Variants in DISP1 observed in about 807,000 individuals in gnomAD.
DISP1 encodes the protein dispatched RND transporter family member 1, also known as protein dispatched homolog 1.
In DISP1, 30 loss-of-function variants were observed where a neutral mutation model predicts 37.3. The observed-to-expected ratio is 0.80, with a 90% CI of 0.60 to 1.09. The LOEUF (loss-of-function observed/expected upper bound fraction) is 1.09, where lower values mean the gene tolerates loss of function less well. Ranked by LOEUF, DISP1 falls within the 50% of genes least tolerant of loss-of-function variation. DISP1 has a pLI of 0.00. For synonymous variants in DISP1, 634 were observed against 690.2 expected, an observed-to-expected ratio of 0.92 and a Z score of 1.28; for missense variants, 1,598 against 1,879.5, an observed-to-expected ratio of 0.85 and a Z score of 2.77.
intron 1 of DISP1, among the ~76,000 whole-genome samples, chr1:222,848,612 A>G (rs1668051460): frequency 6.6e-6 from 1 of 152,162 alleles, no homozygotes; most frequent in Admixed American, 6.5e-5. Context: ...AGGCTCTTTG[A>G]GGGCAGAGAC....
intron 3 of DISP1, among the ~76,000 whole-genome samples, chr1:222,975,622 G>T (rs1023333752): frequency 1.1e-4 from 17 of 151,250 alleles, no homozygotes; most frequent in African/African-American, 3.9e-4. Context: ...TGATTACTCC[G>T]CTTGGTACCT....
intron 4 of DISP1, among the ~76,000 whole-genome samples, chr1:222,984,389 G>A (rs541161258): frequency 1.8e-5 from 2 of 113,258 alleles, no homozygotes; most frequent in South Asian, 6.2e-4. Flanking sequence ...GGGTGGCAGA[G>A]CCAGACTCTG....
intron 1 of DISP1, among the ~76,000 whole-genome samples, chr1:222,834,271 C>T (rs916565784): frequency 6.6e-6 from 1 of 152,054 alleles, no homozygotes; most frequent in East Asian, 1.9e-4. Context: ...AGCATCCTGT[C>T]CTGTAGTTGG....
chr1:222,983,950 G>A (rs185072184), intron 4 of DISP1, among the ~76,000 whole-genome samples: 12 of 152,212 alleles, frequency 7.9e-5, no homozygotes, highest in African/African-American at 2.9e-4. Flanking sequence ...GAAATTCTAA[G>A]TGATCTTTGA....
chr1:222,923,833 G>A (rs542832074), intron 1 of DISP1, among the ~76,000 whole-genome samples: 1 of 152,240 alleles, frequency 6.6e-6, no homozygotes, highest in Non-Finnish European at 1.5e-5. Flanking sequence ...AAAAAAAGAA[G>A]GGCAGGGAGA....
chr1:222,845,451 A>G (rs1214159160), intron 1 of DISP1, among the ~76,000 whole-genome samples: 1 of 152,172 alleles, frequency 6.6e-6, no homozygotes, highest in African/African-American at 2.4e-5. Flanking sequence ...TTTTTATTCA[A>G]AGTTGTTTTG....
At chr1:222,902,146 C>G (rs933999786) in intron 1 of DISP1, among the ~76,000 whole-genome samples, 1 of 152,040 alleles carries the variant, frequency 6.6e-6, no homozygotes, top group Non-Finnish European at 1.5e-5. Flanking sequence ...TTTTTTGTGT[C>G]TCTATTTCCT....
intron 1 of DISP1, among the ~76,000 whole-genome samples, chr1:222,884,941 A>G (rs1367426608): frequency 6.6e-6 from 1 of 152,062 alleles, no homozygotes; most frequent in Non-Finnish European, 1.5e-5. Context: ...GGTTCACGCC[A>G]TTCTCCTGCC....
chr1:222,881,937 C>G (rs770026051), intron 1 of DISP1, among the ~76,000 whole-genome samples: 10 of 152,074 alleles, frequency 6.6e-5, no homozygotes, highest in Non-Finnish European at 1.0e-4. Context: ...GTACACATAA[C>G]TTAATACCAT....
intron 3 of DISP1, among the ~76,000 whole-genome samples, chr1:222,955,755 T>G (rs1379519175): frequency 6.6e-6 from 1 of 152,200 alleles, no homozygotes; most frequent in Non-Finnish European, 1.5e-5. Context: ...TAAGTAACTG[T>G]AAAGGAGTCA....
chr1:222,992,985 C>G (rs1678811805), intron 7 of DISP1, among the ~76,000 whole-genome samples: 1 of 151,650 alleles, frequency 6.6e-6, no homozygotes, highest in Non-Finnish European at 1.5e-5. Flanking sequence ...CTTCAGCCTT[C>G]CCGAGTAGCT....
At chr1:222,901,841 A>G (rs1181430691) in intron 1 of DISP1, among the ~76,000 whole-genome samples, 1 of 152,224 alleles carries the variant, frequency 6.6e-6, no homozygotes, top group Non-Finnish European at 1.5e-5. Context: ...GATTTTTGTC[A>G]GAAATGCTAC....
At chr1:222,880,869 T>C (rs1172201242) in intron 1 of DISP1, among the ~76,000 whole-genome samples, 1 of 152,126 alleles carries the variant, frequency 6.6e-6, no homozygotes, top group East Asian at 1.9e-4. Flanking sequence ...AAGACCAGCC[T>C]GGGCAACATG....
intron 2 of DISP1, among the ~76,000 whole-genome samples, chr1:222,940,086 A>T (rs1674272637): frequency 6.6e-6 from 1 of 151,842 alleles, no homozygotes; most frequent in Admixed American, 6.6e-5. Context: ...AGATCGCGCC[A>T]CTGCACTCCA....
intron 8 of DISP1, among the ~76,000 whole-genome samples, chr1:223,001,770 T>C (rs1278226765): frequency 6.6e-6 from 1 of 152,110 alleles, no homozygotes; most frequent in Non-Finnish European, 1.5e-5. Flanking sequence ...TTCCAAAAAG[T>C]CACACCCCCT....
intron 3 of DISP1, among the ~76,000 whole-genome samples, chr1:222,964,884 C>T (rs767394608): frequency 6.6e-6 from 1 of 152,156 alleles, no homozygotes; most frequent in African/African-American, 2.4e-5. Flanking sequence ...GCTCCAGCTC[C>T]CAGGCTAACA....
intron 1 of DISP1, among the ~76,000 whole-genome samples, chr1:222,846,412 A>C (rs1391029134): frequency 1.3e-5 from 2 of 151,970 alleles, no homozygotes; most frequent in African/African-American, 4.8e-5. Context: ...AATCGCTTGA[A>C]CCCGGGAGGC....
chr1:222,949,178 G>T (rs930753760), intron 3 of DISP1, among the ~76,000 whole-genome samples: 6 of 152,130 alleles, frequency 3.9e-5, no homozygotes, highest in Non-Finnish European at 8.8e-5. Context: ...CCAATCACTT[G>T]AGGTCAGGAG....
In DISP1 at chr1:222,936,892, T is replaced by TGTA. The variant is rs1307592847; in HGVS notation, c.-17-5915_-17-5914insGTA. ...TATCATATATATGATATATATAATA[T>TGTA]ATTATTTATATATAATATATTATAT... On this transcript the variant is annotated intron_variant, in intron 2 of 8. Transcript: ENST00000675850. Among the ~76,000 whole-genome samples, 11 of 87,304 alleles carry TGTA rather than the reference T, an allele frequency of 1.3e-4. No individual in the cohort carries two copies. In the South Asian group the frequency reaches 3.0e-3, roughly 24 times the overall value. The allele number at this position is 87,304 out of a possible 152,430, so 57.3% of individuals were successfully genotyped here.
Sources: allele counts gnomAD v4.1 joint callset (sites outside exome capture counted in the v4.1 genomes callset), GRCh38; gene constraint gnomAD v4.1.1; transcripts MANE v1.5; gene names NCBI Gene and HGNC (gene_info 2026-07-23, HGNC 2026-07-21).